COL24A1: variants seen among roughly 807,000 people sequenced by gnomAD.
COL24A1 encodes collagen type XXIV alpha 1 chain, also known as collagen alpha-1(XXIV) chain.
In COL24A1, 224 loss-of-function variants were observed where a neutral mutation model predicts 253.9. That is an observed-to-expected ratio of 0.88 (90% confidence interval 0.79 to 0.99). The LOEUF is 0.99. COL24A1 is among the 50% of genes least tolerant of loss of function. COL24A1 has a pLI of 0.00. For synonymous variants in COL24A1, 685 were observed against 673.7 expected (o/e 1.02, Z -0.26); for missense variants, 2,131 against 2,068.5 (o/e 1.03, Z -0.59).
intron 5 of COL24A1, 59 bp downstream of exon 5, chr1:86,112,508 A>G: frequency 6.9e-7 from 1 of 1,453,924 alleles, no homozygotes; most frequent in South Asian, 1.2e-5. Flanking sequence ...CTTCTTTTTA[A>G]TATCAGGAAA....
chr1:86,145,852 C>G (rs544180710), intron 2 of COL24A1, among the ~76,000 whole-genome samples: 2 of 151,884 alleles, frequency 1.3e-5, no homozygotes, highest in African/African-American at 2.4e-5. Flanking sequence ...ACAAGCAAAG[C>G]CTTTTTATTG....
intron 5 of COL24A1, among the ~76,000 whole-genome samples, chr1:86,111,403 G>C (rs376643496): frequency 2.4e-4 from 37 of 151,988 alleles, no homozygotes; most frequent in South Asian, 1.9e-3. Context: ...TTTATGTCTA[G>C]CTAGAGGATT....
chr1:85,952,647 C>G (rs940260075), intron 24 of COL24A1, among the ~76,000 whole-genome samples: 2 of 152,200 alleles, frequency 1.3e-5, no homozygotes, highest in African/African-American at 2.4e-5. Context: ...CGTAGGCTAC[C>G]TCCTGCCAGC....
intron 24 of COL24A1, among the ~76,000 whole-genome samples, chr1:85,922,002 T>A (rs541592927): frequency 6.6e-6 from 1 of 152,184 alleles, no homozygotes; most frequent in Admixed American, 6.5e-5. Context: ...AACCATGGCA[T>A]GAGAACTACG....
At chr1:86,126,299 C>T in intron 2 of COL24A1, 85 bp from the exon 3 acceptor site, 1 of 1,268,724 alleles carries the variant, frequency 7.9e-7, no homozygotes, top group Non-Finnish European at 1.1e-6. Context: ...TGATAAAAAT[C>T]TTCCTTGTAG....
chr1:85,909,976 C>A lies in COL24A1; in HGVS notation c.2644G>T (p.Gly882Cys). ...KGERGSPGPLGPQGEKGVMGY... is the reference protein window; with the variant it reads ...KGERGSPGPLCPQGEKGVMGY... The stretch of plus-strand genomic sequence containing the variant: ...ATAACACCTTTTTCTCCCTGCGGAC[C>A]TAGTGGGCCTGGACTTCCACGTTCT... Residue 882 changes from glycine to cysteine, a missense_variant, in exon 26 of 60, where the codon GGT becomes TGT. Physicochemically the swap from Gly to Cys is radical, Grantham distance 159. Transcript: ENST00000370571. 6.2e-7 allele frequency: 1 copy of A among 1,610,348 alleles called. No homozygotes were observed. Among genetic ancestry groups the A allele is most frequent in the Non-Finnish European group, 8.5e-7 (1 of 1,177,058 alleles).
At chr1:85,957,071 T>C (rs1276245690) in intron 24 of COL24A1, among the ~76,000 whole-genome samples, 1 of 152,156 alleles carries the variant, frequency 6.6e-6, no homozygotes, top group Non-Finnish European at 1.5e-5. Flanking sequence ...ACCATCATTC[T>C]CAGCAAACTA....
At chr1:86,141,114 A>C (rs1300047520) in intron 2 of COL24A1, among the ~76,000 whole-genome samples, 1 of 152,252 alleles carries the variant, frequency 6.6e-6, no homozygotes, top group Non-Finnish European at 1.5e-5. Flanking sequence ...AAAATATATC[A>C]ACAAATTTTT....
chr1:85,745,366 G>T, intron 56 of COL24A1, 75 bp downstream of exon 56: 2 of 879,026 alleles, frequency 2.3e-6, no homozygotes, highest in Non-Finnish European at 3.4e-6. Flanking sequence ...GTCACATTTT[G>T]GCCTCCAAAA....
chr1:85,853,675 G>C (rs1264978974), intron 37 of COL24A1, among the ~76,000 whole-genome samples: 1 of 152,180 alleles, frequency 6.6e-6, no homozygotes, highest in Non-Finnish European at 1.5e-5. Flanking sequence ...ACTGGTATGA[G>C]ATGGTATCTC....
At chr1:85,878,042 T>C (rs1479009322) in intron 32 of COL24A1, among the ~76,000 whole-genome samples, 2 of 152,248 alleles carry the variant, frequency 1.3e-5, no homozygotes, top group Non-Finnish European at 2.9e-5. Context: ...TTATACATTT[T>C]TGTGGCTTGA....
intron 32 of COL24A1, among the ~76,000 whole-genome samples, chr1:85,888,561 T>C (rs1682773530): frequency 6.6e-6 from 1 of 151,830 alleles, no homozygotes; most frequent in South Asian, 2.1e-4. Context: ...CTAAAGAGAG[T>C]TGCATTATTT....
chr1:86,031,440 G>A (rs1455076180), intron 14 of COL24A1, among the ~76,000 whole-genome samples: 2 of 151,924 alleles, frequency 1.3e-5, no homozygotes, highest in Admixed American at 1.3e-4. Flanking sequence ...GGTGATACAA[G>A]CACCAATTAT....
chr1:85,830,329 T>C (rs577181445), intron 43 of COL24A1, among the ~76,000 whole-genome samples: 177 of 152,258 alleles, frequency 1.2e-3, no homozygotes, highest in African/African-American at 3.9e-3. Context: ...TCTTCAAAGC[T>C]GTCAGACAGG....
At position 85,804,802 on chromosome 1, in the gene COL24A1, GC is replaced by G. The variant is rs537661788; in HGVS notation, c.3951+11985del. 4.6e-5 allele frequency among the ~76,000 whole-genome samples: 7 copies of G among 151,788 alleles called. No homozygotes were observed. The South Asian group carries it at 1.5e-3, about 32-fold the overall frequency. ...GATGAGATTTGGGTGGGAACACAGA[GC>G]CAAACCATATCAACAGGGCAAAGGA... is the stretch of plus-strand genomic sequence containing the variant. On this transcript the variant is annotated intron_variant, in intron 47 of 59. Transcript: ENST00000370571.
chr1:85,744,170 TGAAATCGG>T (rs778638003), intron 57 of COL24A1, among the ~76,000 whole-genome samples: 1 of 152,104 alleles, frequency 6.6e-6, no homozygotes, highest in Non-Finnish European at 1.5e-5. Flanking sequence ...CTCTGGCTAA[TGAAATCGG>T]GGCATCTGTG....
chr1:85,846,779 A>T (rs144580697), intron 39 of COL24A1, among the ~76,000 whole-genome samples: 1 of 152,060 alleles, frequency 6.6e-6, no homozygotes, highest in East Asian at 1.9e-4. Context: ...AACATTATAA[A>T]ATGTTTTTGT....
At chr1:85,914,343 T>C (rs529209982) in intron 24 of COL24A1, among the ~76,000 whole-genome samples, 1 of 144,550 alleles carries the variant, frequency 6.9e-6, no homozygotes, top group African/African-American at 2.6e-5. Flanking sequence ...TGTGTGTGTG[T>C]GCAGCAAATA....
intron 37 of COL24A1, among the ~76,000 whole-genome samples, chr1:85,852,075 T>C (rs1677829009): frequency 6.6e-6 from 1 of 152,196 alleles, no homozygotes; most frequent in Non-Finnish European, 1.5e-5. Flanking sequence ...TTTAATCAAT[T>C]GGAATGTAAT....
Sources: allele counts gnomAD v4.1 joint callset (sites outside exome capture counted in the v4.1 genomes callset), GRCh38; gene constraint gnomAD v4.1.1; transcripts MANE v1.5; gene names NCBI Gene and HGNC (gene_info 2026-07-23, HGNC 2026-07-21).